Variants in CACNA1C observed in about 807,000 individuals in gnomAD.
CACNA1C encodes the protein calcium voltage-gated channel subunit alpha1 C, also known as voltage-dependent L-type calcium channel subunit alpha-1C.
In CACNA1C, 30 loss-of-function variants were observed where a neutral mutation model predicts 229.0. The observed-to-expected ratio is 0.13, with a 90% CI of 0.10 to 0.18. The LOEUF is 0.18. CACNA1C is among the 10% of genes least tolerant of loss of function. The pLI, the probability that CACNA1C is intolerant of heterozygous loss-of-function variation, is 1.00. For synonymous variants in CACNA1C, 1,114 were observed against 1,132.5 expected (o/e 0.98, Z 0.33); for missense variants, 1,658 against 2,845.0 (o/e 0.58, Z 9.49).
chr12:2,418,515 C>T (rs1368574427), intron 3 of CACNA1C, among the ~76,000 whole-genome samples: 1 of 151,682 alleles, frequency 6.6e-6, no homozygotes, highest in African/African-American at 2.4e-5. Flanking sequence ...TAGGCCAGAG[C>T]CCTGTGGAGG....
Position 2,521,739 on chromosome 12 carries a change from C to T in CACNA1C, c.1390+8755C>T, listed in dbSNP as rs201403725. Among the ~76,000 whole-genome samples the T allele has an allele frequency of 1.8e-4, 28 of 152,220 alleles. No individual in the cohort carries two copies. In the East Asian group the frequency reaches 5.0e-3, roughly 27 times the overall value. On this transcript the variant is annotated intron_variant, in intron 9 of 46. Transcript: ENST00000399655. Reference sequence around the variant, plus strand: ...TTCGCTTGGACTTCTCACTCCTTCCCTCCTCTCCCCTCACCTCTCTCCGCC... The same window carrying T: ...TTCGCTTGGACTTCTCACTCCTTCCTTCCTCTCCCCTCACCTCTCTCCGCC...
chr12:2,277,408 CACACACACACACACACACA>C (rs2089177774), intron 3 of CACNA1C, among the ~76,000 whole-genome samples: 4 of 140,460 alleles, frequency 2.8e-5, no homozygotes, highest in African/African-American at 5.3e-5. Context: ...CACACACACA[CACACACACACACACACACA>C]CTGAGGGCTG....
intron 14 of CACNA1C, 52 bp downstream of exon 14, chr12:2,581,849 G>A: frequency 8.6e-7 from 1 of 1,158,144 alleles, no homozygotes; most frequent in South Asian, 1.3e-5. Context: ...GAGTGGCGGG[G>A]TGGTGGGAGG....
At position 2,108,991 on chromosome 12, in the gene CACNA1C, C is replaced by T. The variant is rs2080423859; in HGVS notation, c.50-6233C>T. On this transcript the variant is annotated intron_variant, in intron 1 of 46. Transcript: ENST00000399655. The surrounding 1 kb of genome is among the most constrained non-coding windows in gnomAD (Gnocchi z 5.3). ...GGCCTGAGAGAAGGCATTTCCTTTG[C>T]CCTGCAGAGATTGCTCAGTGGTCAG... is the stretch of plus-strand genomic sequence containing the variant. 6.6e-6 allele frequency among the ~76,000 whole-genome samples: 1 copy of T among 152,194 alleles called. No individual in the cohort carries two copies. Among genetic ancestry groups the T allele is most frequent in the Non-Finnish European group, 1.5e-5 (1 of 68,042 alleles).
intron 3 of CACNA1C, among the ~76,000 whole-genome samples, chr12:2,353,370 C>G (rs926524112): frequency 6.6e-6 from 1 of 152,244 alleles, no homozygotes; most frequent in African/African-American, 2.4e-5. Context: ...CCTGGCCGTG[C>G]TCTTATCCTC....
intron 9 of CACNA1C, among the ~76,000 whole-genome samples, chr12:2,540,583 G>A (rs553603532): frequency 6.6e-6 from 1 of 152,308 alleles, no homozygotes; most frequent in East Asian, 1.9e-4. Context: ...AGCGGTGATA[G>A]ACAGCACACA....
chr12:2,039,872 G>A (rs7958309), intron 1 of CACNA1C, among the ~76,000 whole-genome samples: 7,694 of 152,186 alleles, frequency 0.051, 268 homozygotes, highest in Middle Eastern at 0.078. Context: ...GTTCCTGTGG[G>A]GCATCATGTC....
chr12:2,206,253 C>A (rs1300048257), intron 3 of CACNA1C, among the ~76,000 whole-genome samples: 1 of 152,090 alleles, frequency 6.6e-6, no homozygotes, highest in Non-Finnish European at 1.5e-5. Flanking sequence ...GGGAAGAAGG[C>A]CAGTTGATGA....
At chr12:2,505,271 G>T (rs1274020439) in intron 8 of CACNA1C, among the ~76,000 whole-genome samples, 1 of 152,140 alleles carries the variant, frequency 6.6e-6, no homozygotes, top group Non-Finnish European at 1.5e-5. Context: ...GGTAAGAAAA[G>T]ACTGGTTTAA....
intron 3 of CACNA1C, among the ~76,000 whole-genome samples, chr12:2,419,151 A>T (rs1173287673): frequency 6.6e-6 from 1 of 152,138 alleles, no homozygotes; most frequent in Non-Finnish European, 1.5e-5. Context: ...GAAATACCTG[A>T]GGCTGGGTAA....
In CACNA1C at chr12:2,003,256, CAG is replaced by C. The variant is rs372715689; in HGVS notation, c.139+32058_139+32059del. On this transcript the variant is annotated intron_variant, in intron 1 of 46. Coordinates refer to the CACNA1C transcript ENST00000682462. ...ATGAATGTGGGTGTTAAAAAAAATA[CAG>C]AGTTGTTCAACATGGATGTTTTCCT... Among the ~76,000 whole-genome samples, 719 of 152,198 alleles carry C rather than the reference CAG, an allele frequency of 4.7e-3. 9 individuals are homozygous for C. Among genetic ancestry groups the C allele is most frequent in the African/African-American group, 0.016 (685 of 41,548 alleles).
At chr12:2,042,106 A>G (rs1361997158) in intron 1 of CACNA1C, among the ~76,000 whole-genome samples, 1 of 152,236 alleles carries the variant, frequency 6.6e-6, no homozygotes, top group Non-Finnish European at 1.5e-5. Context: ...GCTATTTGAT[A>G]CCTTCTATTA....
chr12:2,666,338 C>G lies in CACNA1C; in HGVS notation c.4527-348C>G, dbSNP rs1240571624. Among the ~76,000 whole-genome samples the G allele has an allele frequency of 1.3e-5, 2 of 152,202 alleles. No homozygotes were observed. The highest frequency in any genetic ancestry group is 2.4e-5 in the African/African-American group (1 of 41,454). On this transcript the variant is annotated intron_variant, in intron 36 of 46. Transcript: ENST00000399655. This position sits in a 1 kb window ranked among gnomAD's most constrained non-coding sequence, Gnocchi z 5.3. ...CCATTCCCGCTTCTGGTCTAAAGAT[C>G]AATCACATTCGGCTGACCCTCAGTA...
chr12:2,372,802 G>A (rs2097906861), intron 3 of CACNA1C, among the ~76,000 whole-genome samples: 1 of 152,244 alleles, frequency 6.6e-6, no homozygotes, highest in Non-Finnish European at 1.5e-5. Context: ...GCTGGCTGGT[G>A]AGAAGTCCTG....
At chr12:2,532,926 T>TCCCCAGGCCA (rs1234041574) in intron 9 of CACNA1C, among the ~76,000 whole-genome samples, 12 of 152,212 alleles carry the variant, frequency 7.9e-5, no homozygotes, top group Non-Finnish European at 1.6e-4. Context: ...TTTTGCTTGT[T>TCCCCAGGCCA]GAAGACAGTG....
chr12:2,046,925 G>A (rs1339503959), intron 1 of CACNA1C, among the ~76,000 whole-genome samples: 1 of 152,164 alleles, frequency 6.6e-6, no homozygotes, highest in Non-Finnish European at 1.5e-5. Context: ...ACTAACATAA[G>A]TTGTGAAGGC....
intron 29 of CACNA1C, among the ~76,000 whole-genome samples, chr12:2,615,555 C>T (rs1344459763): frequency 1.3e-5 from 2 of 152,026 alleles, no homozygotes; most frequent in African/African-American, 4.8e-5. Context: ...TTAAAACTCC[C>T]AATTGCACTT....
chr12:2,557,088 G>C (rs1173785511), intron 11 of CACNA1C, 111 bp downstream of exon 11: 3 of 801,504 alleles, frequency 3.7e-6, no homozygotes, highest in Non-Finnish European at 4.3e-6. Flanking sequence ...TGTAAGGGCT[G>C]TTCTTCTAAG....
chr12:2,433,577 T>C (rs2099107230), intron 3 of CACNA1C, among the ~76,000 whole-genome samples: 1 of 152,238 alleles, frequency 6.6e-6, no homozygotes, highest in Non-Finnish European at 1.5e-5. Flanking sequence ...AATGTGAGGA[T>C]ACCTCATGGC....
Sources: allele counts gnomAD v4.1 joint callset (sites outside exome capture counted in the v4.1 genomes callset), GRCh38; gene constraint gnomAD v4.1.1; non-coding constraint Gnocchi (gnomAD v3.1); transcripts MANE v1.5; gene names NCBI Gene and HGNC (gene_info 2026-07-23, HGNC 2026-07-21).